Variants in LIMCH1 observed in about 807,000 individuals in gnomAD.
LIMCH1 encodes LIM and calponin homology domains-containing protein 1.
In LIMCH1, 113 loss-of-function variants were observed where a neutral mutation model predicts 176.5. The ratio of observed to expected loss-of-function variants is 0.64; its 90% CI spans 0.55 to 0.75. The LOEUF is 0.75. Ranked by LOEUF, LIMCH1 falls within the 30% of genes least tolerant of loss-of-function variation. LIMCH1 has a pLI of 0.00. For synonymous variants in LIMCH1, 619 were observed against 645.9 expected, an observed-to-expected ratio of 0.96 and a Z score of 0.63; for missense variants, 1,674 against 1,814.9, an observed-to-expected ratio of 0.92 and a Z score of 1.41.
rs920180178 is a variant in LIMCH1, at chr4:41,478,064, T to A, written c.97-16472T>A. On this transcript the variant is annotated intron_variant, in intron 1 of 26. Coordinates refer to the LIMCH1 transcript ENST00000313860. The stretch of plus-strand genomic sequence containing the variant: ...TGGAAAAAAATACCTTTGTTTCTTA[T>A]AAGAGGGAAAAACAAGGGAGTTGAG... Among the ~76,000 whole-genome samples, 21 of 152,178 alleles carry A rather than the reference T, an allele frequency of 1.4e-4. 1 individual carries two copies. The highest frequency in any genetic ancestry group is 1.5e-5 in the Non-Finnish European group (1 of 68,022).
At position 41,587,155 on chromosome 4, in the gene LIMCH1, G is replaced by C. The variant is rs184321787; in HGVS notation, c.-240-11765G>C. 4.0e-4 allele frequency among the ~76,000 whole-genome samples: 61 copies of C among 152,324 alleles called. No homozygotes were observed. In the East Asian group the frequency reaches 0.011, roughly 28 times the overall value. On this transcript the variant is annotated intron_variant, in intron 1 of 31. Coordinates refer to ENST00000503057, the MANE Select transcript of LIMCH1 (RefSeq NM_001330672.2). Reference sequence around the variant, plus strand: ...TTTGAAGAGTTTGTATGCTAAAAATGATAGTAGTAATTCACATTCTACTCT... The same window carrying C: ...TTTGAAGAGTTTGTATGCTAAAAATCATAGTAGTAATTCACATTCTACTCT...
intron 3 of LIMCH1, among the ~76,000 whole-genome samples, chr4:41,529,163 C>T (rs1300644924): frequency 2.6e-5 from 4 of 152,232 alleles, no homozygotes; most frequent in African/African-American, 7.2e-5. Flanking sequence ...ATTGTACTAT[C>T]GAGCCACATC....
At chr4:41,569,713 A>C (rs1200492956) in intron 1 of LIMCH1, among the ~76,000 whole-genome samples, 1 of 152,152 alleles carries the variant, frequency 6.6e-6, no homozygotes, top group Non-Finnish European at 1.5e-5. Context: ...CAAGTCAAGG[A>C]CCATATTCAA....
At chr4:41,486,331 T>TTCCTGACTG (rs1468192600) in intron 1 of LIMCH1, among the ~76,000 whole-genome samples, 9 of 152,184 alleles carry the variant, frequency 5.9e-5, no homozygotes, top group African/African-American at 2.2e-4. Flanking sequence ...GGAAAGTTAC[T>TTCCTGACTG]GAGAGTCCTT....
At chr4:41,661,862 CA>C in intron 19 of LIMCH1, 3 of 379,932 alleles carry the variant, frequency 7.9e-6, no homozygotes, top group South Asian at 2.2e-5. Flanking sequence ...AGCGAGAGGT[CA>C]AAAACATAAA....
At chr4:41,482,572 T>G (rs953898042) in intron 1 of LIMCH1, among the ~76,000 whole-genome samples, 3 of 152,062 alleles carry the variant, frequency 2.0e-5, no homozygotes, top group African/African-American at 7.2e-5. Context: ...AAATGTCTTT[T>G]GGGTTAGACA....
At chr4:41,573,599 C>CAATA (rs1193811020) in intron 1 of LIMCH1, among the ~76,000 whole-genome samples, 1 of 152,208 alleles carries the variant, frequency 6.6e-6, no homozygotes, top group East Asian at 1.9e-4. Context: ...CATCAATGTG[C>CAATA]AATAAATTGC....
At chr4:41,619,732 T>C in intron 6 of LIMCH1, 1 of 437,286 alleles carries the variant, frequency 2.3e-6, no homozygotes. Context: ...AAATCTGTCA[T>C]CCTTGTCCTT....
At chr4:41,410,679 G>A (rs12512527) in intron 1 of LIMCH1, among the ~76,000 whole-genome samples, 87,317 of 152,064 alleles carry the variant, frequency 0.57, 28,180 homozygotes, top group East Asian at 0.82. Flanking sequence ...CTCCTCTCCC[G>A]TCCATGGGAT....
intron 2 of LIMCH1, among the ~76,000 whole-genome samples, chr4:41,515,261 T>C (rs574089461): frequency 6.6e-6 from 1 of 152,354 alleles, no homozygotes; most frequent in South Asian, 2.1e-4. Context: ...TCTTTCTGCC[T>C]TTCCTTTGTC....
chr4:41,425,140 G>C (rs948731412), intron 1 of LIMCH1, among the ~76,000 whole-genome samples: 1 of 152,148 alleles, frequency 6.6e-6, no homozygotes, highest in Non-Finnish European at 1.5e-5. Flanking sequence ...GGGCATATCT[G>C]TTTTCCTTCT....
chr4:41,448,882 A>G (rs1166967255), intron 1 of LIMCH1, among the ~76,000 whole-genome samples: 1 of 152,088 alleles, frequency 6.6e-6, no homozygotes, highest in Non-Finnish European at 1.5e-5. Flanking sequence ...TGTACCCCCA[A>G]TTTACGTAGA....
At chr4:41,653,753 C>T (rs893106734) in intron 18 of LIMCH1, among the ~76,000 whole-genome samples, 2 of 152,240 alleles carry the variant, frequency 1.3e-5, no homozygotes, top group Admixed American at 6.5e-5. Context: ...GGGCCCGGGA[C>T]GGGCACTATG....
At chr4:41,491,266 C>T (rs1249510824) in intron 1 of LIMCH1, among the ~76,000 whole-genome samples, 37 of 133,564 alleles carry the variant, frequency 2.8e-4, no homozygotes, top group South Asian at 7.8e-4. Flanking sequence ...TCCTCACCTC[C>T]TAGATGATGG....
chr4:41,696,354 A>G (rs1176514826), intron 31 of LIMCH1, among the ~76,000 whole-genome samples: 1 of 152,166 alleles, frequency 6.6e-6, no homozygotes, highest in Non-Finnish European at 1.5e-5. Flanking sequence ...ATTTAATGCA[A>G]ACTCCCTGGG....
intron 2 of LIMCH1, among the ~76,000 whole-genome samples, chr4:41,508,020 GA>G (rs2074390720): frequency 6.6e-6 from 1 of 151,996 alleles, no homozygotes; most frequent in Non-Finnish European, 1.5e-5. Context: ...AAGTTGAGAA[GA>G]AACATACTCT....
At chr4:41,505,389 G>T (rs192733315) in intron 2 of LIMCH1, among the ~76,000 whole-genome samples, 4 of 152,300 alleles carry the variant, frequency 2.6e-5, no homozygotes, top group African/African-American at 9.6e-5. Flanking sequence ...GAAGGCATTT[G>T]GATTATACTT....
At chr4:41,529,180 C>G (rs1182551761) in intron 3 of LIMCH1, among the ~76,000 whole-genome samples, 1 of 152,132 alleles carries the variant, frequency 6.6e-6, no homozygotes, top group Non-Finnish European at 1.5e-5. Flanking sequence ...CATCTTGAAA[C>G]TCAATTTAGT....
chr4:41,387,461 T>A (rs1252517405), intron 1 of LIMCH1, among the ~76,000 whole-genome samples: 1 of 152,240 alleles, frequency 6.6e-6, no homozygotes, highest in African/African-American at 2.4e-5. Context: ...ATTGAATCAT[T>A]ATTCTTTATC....
Sources: allele counts gnomAD v4.1 joint callset (sites outside exome capture counted in the v4.1 genomes callset), GRCh38; gene constraint gnomAD v4.1.1; transcripts MANE v1.5; gene names NCBI Gene and HGNC (gene_info 2026-07-23, HGNC 2026-07-21).